The following MIPOL1 variants were observed in gnomAD, a reference collection of about 807,000 sequenced individuals.
MIPOL1 encodes the protein mirror-image polydactyly gene 1 protein.
In MIPOL1, 57 loss-of-function variants were observed where a neutral mutation model predicts 60.9. That is an observed-to-expected ratio of 0.94 (90% CI 0.76 to 1.17). The LOEUF (loss-of-function observed/expected upper bound fraction) is 1.17, where lower values mean the gene tolerates loss of function less well. Among genes scored for constraint, MIPOL1 ranks in the 50% most tolerant of loss-of-function variants. The pLI, the probability that MIPOL1 is intolerant of heterozygous loss-of-function variation, is 0.00. For synonymous variants in MIPOL1, 179 were observed against 168.8 expected (o/e 1.06, Z -0.47); for missense variants, 551 against 511.6 (o/e 1.08, Z -0.74).
intron 1 of MIPOL1, among the ~76,000 whole-genome samples, chr14:37,218,947 AAAG>A (rs926384443): frequency 9.9e-5 from 15 of 151,954 alleles, no homozygotes; most frequent in East Asian, 5.8e-4. Flanking sequence ...AAAAAAGAAA[AAAG>A]AAAACCAGAG....
intron 10 of MIPOL1, chr14:37,401,523 T>C (rs1244523213): frequency 6.6e-6 from 1 of 152,080 alleles, no homozygotes; most frequent in Non-Finnish European, 1.5e-5. Flanking sequence ...AATTCCTGAC[T>C]TGCAATATTG....
chr14:37,506,352 G>A (rs1379959579), intron 12 of MIPOL1: 1 of 151,954 alleles, frequency 6.6e-6, no homozygotes. Context: ...TCAAACAATA[G>A]TGCTAGGCTA....
At chr14:37,258,568 A>AT (rs1975349501) in intron 3 of MIPOL1, among the ~76,000 whole-genome samples, 1 of 152,154 alleles carries the variant, frequency 6.6e-6, no homozygotes, top group Non-Finnish European at 1.5e-5. Flanking sequence ...CCTAAATAAT[A>AT]TTTGTAGTGT....
At chr14:37,421,389 A>T (rs143017268) in intron 10 of MIPOL1, among the ~76,000 whole-genome samples, 1 of 152,132 alleles carries the variant, frequency 6.6e-6, no homozygotes, top group African/African-American at 2.4e-5. Context: ...GAAGTTTTTA[A>T]AGTTGAATGT....
chr14:37,431,282 A>C (rs1050063447), intron 11 of MIPOL1, among the ~76,000 whole-genome samples: 46 of 152,230 alleles, frequency 3.0e-4, no homozygotes, highest in African/African-American at 1.1e-3. Flanking sequence ...CGCTTTCTTA[A>C]ATTTAATTTA....
At chr14:37,289,783 G>A (rs561763880) in intron 7 of MIPOL1, among the ~76,000 whole-genome samples, 2 of 152,294 alleles carry the variant, frequency 1.3e-5, no homozygotes, top group African/African-American at 4.8e-5. Flanking sequence ...CCTCTGCAGA[G>A]GTTGGGGGTT....
intron 1 of MIPOL1, among the ~76,000 whole-genome samples, chr14:37,209,445 G>A (rs1331546295): frequency 6.6e-6 from 1 of 152,048 alleles, no homozygotes; most frequent in African/African-American, 2.4e-5. Flanking sequence ...GATCACCTGA[G>A]GTCAGGAGAT....
chr14:37,378,544 G>T (rs1024069113), intron 10 of MIPOL1, among the ~76,000 whole-genome samples: 2 of 151,952 alleles, frequency 1.3e-5, no homozygotes, highest in Non-Finnish European at 2.9e-5. Context: ...AGGTAACAAG[G>T]GGGTATTTCT....
chr14:37,546,796 G>A (rs551937135), intron 12 of MIPOL1, 109 bp from the exon 13 acceptor site: 15 of 817,526 alleles, frequency 1.8e-5, no homozygotes, highest in Admixed American at 4.4e-5. Flanking sequence ...TAACATGACC[G>A]TGAGGACTGC....
intron 11 of MIPOL1, among the ~76,000 whole-genome samples, chr14:37,498,948 A>G (rs2095173313): frequency 6.6e-6 from 1 of 152,176 alleles, no homozygotes; most frequent in Admixed American, 6.6e-5. Context: ...TGCAGGTTTA[A>G]TAATGATATT....
chr14:37,439,171 G>T lies in MIPOL1; in HGVS notation c.1031+16222G>T, dbSNP rs189998021. ...CATACGTTACTATGTGCTGTTAAAT[G>T]AAATAATTGGACACTTCCATGGCAA... On this transcript the variant is annotated intron_variant, in intron 11 of 12. Coordinates refer to ENST00000684589, the MANE Select transcript of MIPOL1 (RefSeq NM_001388067.1). 4.5e-4 allele frequency among the ~76,000 whole-genome samples: 69 copies of T among 152,266 alleles called. No individual in the cohort carries two copies. The East Asian group carries it at 0.013, about 28-fold the overall frequency.
At chr14:37,293,216 A>T (rs1594947447) in intron 7 of MIPOL1, among the ~76,000 whole-genome samples, 1 of 152,242 alleles carries the variant, frequency 6.6e-6, no homozygotes. Context: ...TATCAGTGAA[A>T]AATTCTGTTT....
intron 11 of MIPOL1, among the ~76,000 whole-genome samples, chr14:37,461,194 C>A (rs1397844106): frequency 6.6e-6 from 1 of 152,088 alleles, no homozygotes; most frequent in Non-Finnish European, 1.5e-5. Flanking sequence ...TGAGACTGGG[C>A]AATTTACAAA....
chr14:37,488,946 G>C (rs2094998278), intron 11 of MIPOL1, among the ~76,000 whole-genome samples: 1 of 152,074 alleles, frequency 6.6e-6, no homozygotes, highest in Non-Finnish European at 1.5e-5. Context: ...GAATATCTTT[G>C]TGGTGTTCTC....
chr14:37,220,608 A>T (rs1968580162), intron 1 of MIPOL1, among the ~76,000 whole-genome samples: 1 of 152,202 alleles, frequency 6.6e-6, no homozygotes, highest in South Asian at 2.1e-4. Flanking sequence ...AGTGAACTGC[A>T]GCTTAGAAAG....
rs1046152277 is a variant in MIPOL1 at position 37,299,426 on chromosome 14, A to T, written c.624-8630A>T. On this transcript the variant is annotated intron_variant, in intron 7 of 12. Coordinates refer to ENST00000684589, the MANE Select transcript of MIPOL1 (RefSeq NM_001388067.1). ...GCACGTTGTGCACATGTACCCTAAA[A>T]CTTAAAGTATAATAATAAAAAAAAA... Among the ~76,000 whole-genome samples, 8 of 149,690 alleles carry T rather than the reference A, an allele frequency of 5.3e-5. No homozygotes were observed. In the South Asian group the frequency reaches 1.1e-3, roughly 20 times the overall value.
intron 10 of MIPOL1, among the ~76,000 whole-genome samples, chr14:37,417,433 A>G (rs923579306): frequency 1.3e-5 from 2 of 152,228 alleles, no homozygotes; most frequent in Non-Finnish European, 2.9e-5. Context: ...ACAAAATAGA[A>G]CAACCTCTAA....
At chr14:37,469,123 C>G (rs916844567) in intron 11 of MIPOL1, among the ~76,000 whole-genome samples, 2 of 152,098 alleles carry the variant, frequency 1.3e-5, no homozygotes, top group Non-Finnish European at 2.9e-5. Context: ...GTTTATTAGT[C>G]CATTCTTGCA....
At chr14:37,202,002 T>C (rs1965417314) in intron 1 of MIPOL1, among the ~76,000 whole-genome samples, 1 of 152,090 alleles carries the variant, frequency 6.6e-6, no homozygotes, top group Non-Finnish European at 1.5e-5. Flanking sequence ...CTAGCTATTT[T>C]GTTTTCTGTT....
Sources: allele counts gnomAD v4.1 joint callset (sites outside exome capture counted in the v4.1 genomes callset), GRCh38; gene constraint gnomAD v4.1.1; transcripts MANE v1.5; gene names NCBI Gene and HGNC (gene_info 2026-07-23, HGNC 2026-07-21).